The following RBFOX1 variants were observed in gnomAD, a reference collection of about 807,000 sequenced individuals.
RBFOX1 encodes the protein RNA binding fox-1 homolog 1, also known as RNA binding protein fox-1 homolog 1.
RBFOX1 carries 8 observed loss-of-function variants against 57.7 expected under a neutral mutation model. That is an observed-to-expected ratio of 0.14 (90% CI 0.08 to 0.25). The LOEUF (loss-of-function observed/expected upper bound fraction) is 0.25, where lower values mean the gene tolerates loss of function less well. Among genes scored for constraint, RBFOX1 ranks in the 10% least tolerant of loss-of-function variants. The pLI is 1.00. For synonymous variants in RBFOX1, 326 were observed against 222.4 expected, an observed-to-expected ratio of 1.47 and a Z score of -4.15; for missense variants, 611 against 548.5, an observed-to-expected ratio of 1.11 and a Z score of -1.14.
intron 4 of RBFOX1, among the ~76,000 whole-genome samples, chr16:5,908,656 C>G (rs143466345): frequency 1.2e-4 from 19 of 152,160 alleles, no homozygotes; most frequent in African/African-American, 4.6e-4. Context: ...ATCCTCCCTA[C>G]TAGGGCCTAA....
At chr16:6,682,308 G>T (rs1031184336) in intron 3 of RBFOX1, among the ~76,000 whole-genome samples, 2 of 152,122 alleles carry the variant, frequency 1.3e-5, no homozygotes, top group African/African-American at 4.8e-5. Context: ...CTCAGGCGTC[G>T]ATTTCCCAGC....
chr16:7,351,693 C>A (rs974394273), intron 4 of RBFOX1, among the ~76,000 whole-genome samples: 1 of 152,146 alleles, frequency 6.6e-6, no homozygotes, highest in Non-Finnish European at 1.5e-5. Context: ...CTTAGAGACA[C>A]CTGGTACTTT....
At chr16:5,772,430 C>T (rs1161887809) in intron 3 of RBFOX1, among the ~76,000 whole-genome samples, 1 of 152,174 alleles carries the variant, frequency 6.6e-6, no homozygotes, top group Admixed American at 6.5e-5. Flanking sequence ...AAGGATCTTC[C>T]TGCTTAGATC....
chr16:6,829,077 C>G (rs1286128282), intron 3 of RBFOX1, among the ~76,000 whole-genome samples: 1 of 152,108 alleles, frequency 6.6e-6, no homozygotes, highest in Non-Finnish European at 1.5e-5. Context: ...CAGGGTCCCA[C>G]CAGCATTTGG....
At chr16:6,535,977 A>C (rs1036899456) in intron 2 of RBFOX1, among the ~76,000 whole-genome samples, 8 of 152,110 alleles carry the variant, frequency 5.3e-5, no homozygotes, top group African/African-American at 1.7e-4. Context: ...TTTCTATCCA[A>C]CGACTTCATA....
intron 4 of RBFOX1, among the ~76,000 whole-genome samples, chr16:7,074,986 G>T (rs2058040396): frequency 6.6e-6 from 1 of 152,072 alleles, no homozygotes; most frequent in Non-Finnish European, 1.5e-5. Flanking sequence ...AGAATCAAAG[G>T]GAAGTCAAAG....
chr16:6,693,216 A>G (rs549581382), intron 3 of RBFOX1, among the ~76,000 whole-genome samples: 53 of 151,054 alleles, frequency 3.5e-4, no homozygotes, highest in African/African-American at 1.1e-3. Flanking sequence ...CATCATCATC[A>G]CCGTCATCCT....
chr16:7,508,869 T>G (rs1271432393), intron 4 of RBFOX1, among the ~76,000 whole-genome samples: 1 of 152,172 alleles, frequency 6.6e-6, no homozygotes, highest in African/African-American at 2.4e-5. Context: ...GATCTCTCTT[T>G]CCATAGCAAG....
At chr16:6,776,564 G>C (rs750011707) in intron 3 of RBFOX1, among the ~76,000 whole-genome samples, 10 of 152,170 alleles carry the variant, frequency 6.6e-5, no homozygotes, top group Non-Finnish European at 1.2e-4. Context: ...ATCCATGGTT[G>C]ACACTGTTTG....
intron 7 of RBFOX1, among the ~76,000 whole-genome samples, chr16:7,594,298 CTAAG>C (rs1189220220): frequency 2.0e-5 from 3 of 152,144 alleles, no homozygotes; most frequent in Non-Finnish European, 4.4e-5. Context: ...TTTAGTAAAA[CTAAG>C]TATTATACTG....
chr16:6,802,300 A>G (rs1404042291), intron 3 of RBFOX1, among the ~76,000 whole-genome samples: 1 of 152,164 alleles, frequency 6.6e-6, no homozygotes. Context: ...CTGATTTGCC[A>G]CACAGGGTCC....
intron 3 of RBFOX1, among the ~76,000 whole-genome samples, chr16:7,038,694 G>T (rs928891756): frequency 6.6e-6 from 1 of 152,152 alleles, no homozygotes; most frequent in African/African-American, 2.4e-5. Flanking sequence ...GCAGAAAGCA[G>T]ATGTGGGAGG....
chr16:5,901,308 C>G (rs1263027054), intron 4 of RBFOX1, among the ~76,000 whole-genome samples: 1 of 152,166 alleles, frequency 6.6e-6, no homozygotes, highest in African/African-American at 2.4e-5. Context: ...CTCTGGTAAT[C>G]TGATCCCCTT....
intron 3 of RBFOX1, among the ~76,000 whole-genome samples, chr16:6,867,742 A>T (rs758997809): frequency 6.6e-6 from 1 of 152,148 alleles, no homozygotes; most frequent in Non-Finnish European, 1.5e-5. Flanking sequence ...ACAGATATTT[A>T]TCAGTTAATG....
At chr16:7,257,619 C>G (rs768708740) in intron 4 of RBFOX1, among the ~76,000 whole-genome samples, 2 of 152,178 alleles carry the variant, frequency 1.3e-5, no homozygotes, top group African/African-American at 2.4e-5. Flanking sequence ...TTCCCGAGAA[C>G]TGCTCTTCCA....
At chr16:6,184,550 A>C (rs185128613) in intron 1 of RBFOX1, among the ~76,000 whole-genome samples, 1 of 152,086 alleles carries the variant, frequency 6.6e-6, no homozygotes, top group Admixed American at 6.6e-5. Flanking sequence ...AGTGTTTACT[A>C]TGGGAATTTT....
chr16:6,991,227 G>A (rs924275354), intron 3 of RBFOX1, among the ~76,000 whole-genome samples: 1 of 151,754 alleles, frequency 6.6e-6, no homozygotes, highest in Non-Finnish European at 1.5e-5. Flanking sequence ...TTGAGCCTGG[G>A]AGGCAGAGGT....
intron 4 of RBFOX1, among the ~76,000 whole-genome samples, chr16:7,072,714 C>G (rs533051718): frequency 6.6e-6 from 1 of 152,122 alleles, no homozygotes; most frequent in Non-Finnish European, 1.5e-5. Flanking sequence ...TAATACTGGA[C>G]AAAATATATG....
At chr16:5,723,974 G>A (rs1596973851) in intron 3 of RBFOX1, among the ~76,000 whole-genome samples, 1 of 152,064 alleles carries the variant, frequency 6.6e-6, no homozygotes, top group South Asian at 2.1e-4. Flanking sequence ...ATGTTTTGGA[G>A]TGGTCCAACT....
Sources: allele counts gnomAD v4.1 joint callset (sites outside exome capture counted in the v4.1 genomes callset), GRCh38; gene constraint gnomAD v4.1.1; transcripts MANE v1.5; gene names NCBI Gene and HGNC (gene_info 2026-07-23, HGNC 2026-07-21).